Variants in CXCL5 observed in about 807,000 individuals in gnomAD.
The protein encoded by CXCL5 is C-X-C motif chemokine 5.
A neutral mutation model predicts 12.1 loss-of-function variants in CXCL5; 13 were observed. That is an observed-to-expected ratio of 1.08 (90% CI 0.70 to 1.71). The LOEUF is 1.71. Ranked by LOEUF, CXCL5 falls within the 40% of genes most tolerant of loss-of-function variation. The probability of loss-of-function intolerance (pLI) is 0.00; values close to 1 mark genes in which losing one functional copy is unlikely to be tolerated. For synonymous variants in CXCL5, 67 were observed against 59.0 expected (o/e 1.14, Z -0.62); for missense variants, 159 against 142.4 (o/e 1.12, Z -0.59).
rs1050140915 is a variant in CXCL5, at chr4:73,996,493, T to G, written c.*1144A>C. 2.0e-5 allele frequency: 3 copies of G among 152,606 alleles called. No homozygotes were observed. Among genetic ancestry groups the G allele is most frequent in the Admixed American group, 6.5e-5 (1 of 15,278 alleles). The allele number at this position is 152,606 out of a possible 1,614,324, so 9.5% of individuals were successfully genotyped here. A position where few individuals can be genotyped will look rare whatever the true frequency, so the allele number is the denominator to read the frequency against. ...TTATATATAATTATATATTCTACCA[T>G]AAATGCTGGCCTTCTTCAAATTATG... On this transcript the variant is annotated 3_prime_UTR_variant, in exon 4 of 4. Transcript: ENST00000296027.
At position 73,998,226 on chromosome 4, in the gene CXCL5, C is replaced by T. The variant is rs1292159080; in HGVS notation, c.222G>A (p.Gln74=). Residue 74 remains glutamine (Q), a synonymous_variant, in exon 2 of 4, where the codon CAG becomes CAA. Transcript: ENST00000296027. ...CTTACACCACTTCCACCTTGGAGCA[C>T]TGTGGGCCTATGGCGAACACTTGCA... is the stretch of plus-strand genomic sequence containing the variant. The part of the protein sequence containing the change: ...SNLQVFAIGP[Q]CSKVEVVASL... 6.2e-7 allele frequency: 1 copy of T among 1,614,246 alleles called. No individual in the cohort carries two copies. Among genetic ancestry groups the T allele is most frequent in the Non-Finnish European group, 8.5e-7 (1 of 1,180,034 alleles).
At position 73,995,733 on chromosome 4, in the gene CXCL5, T is replaced by C. The variant is rs200998435; in HGVS notation, c.*1904A>G. 3.3e-5 allele frequency: 5 copies of C among 151,468 alleles called. No homozygotes were observed. The highest frequency in any genetic ancestry group is 7.3e-5 in the African/African-American group (3 of 41,280). The allele number at this position is 151,468 out of a possible 1,614,324, so 9.4% of individuals were successfully genotyped here. A position where few individuals can be genotyped will look rare whatever the true frequency, so the allele number is the denominator to read the frequency against. On this transcript the variant is annotated 3_prime_UTR_variant, in exon 4 of 4. Coordinates refer to ENST00000296027, the MANE Select transcript of CXCL5 (RefSeq NM_002994.5). ...ATAGTAAAAAAGTACAATTTTAATA[T>C]AGTGAATGTAATATATATGTAATTA...
In CXCL5 at chr4:73,998,523, G is replaced by C; in HGVS notation, c.59C>G (p.Ala20Gly). 1 of 1,597,292 alleles carries C rather than the reference G, an allele frequency of 6.3e-7. No homozygotes were observed. The highest frequency in any genetic ancestry group is 8.5e-7 in the Non-Finnish European group (1 of 1,171,600). The change falls in exon 1 of 4, where the codon GCG (alanine) becomes GGG (glycine). Residue 20 changes from alanine to glycine, a missense_variant. By Grantham distance (60) the Ala-to-Gly change is moderately conservative. Coordinates refer to ENST00000296027, the MANE Select transcript of CXCL5 (RefSeq NM_002994.5). Reference sequence around the variant, plus strand: ...CAGCAGCAGCAGCAGCACCAACAGCGCGCACAAGGAGCTCGAAGGACCGGG... The same window carrying C: ...CAGCAGCAGCAGCAGCACCAACAGCCCGCACAAGGAGCTCGAAGGACCGGG... Reference protein sequence around the residue: ...RVPGPSSSLCALLVLLLLLTQ... With the variant: ...RVPGPSSSLCGLLVLLLLLTQ...
rs761157781 is a variant in CXCL5, at chr4:73,997,646, C to T, written c.336G>A (p.Lys112=). Reference sequence around the variant, plus strand: ...TGCTCATTTCTCTTAATCAGTTTTCCTTGTTTCCACTGTTGAGAAAAATGT... The same window carrying T: ...TGCTCATTTCTCTTAATCAGTTTTCTTTGTTTCCACTGTTGAGAAAAATGT... ...VIQKILDGGN[K]EN The change falls in exon 4 of 4, where the codon AAG becomes AAA. Residue 112 remains lysine (K), a synonymous_variant. Transcript: ENST00000296027. 63 of 1,608,552 alleles carry T rather than the reference C, an allele frequency of 3.9e-5. No homozygotes were observed. Among genetic ancestry groups the T allele is most frequent in the Non-Finnish European group, 4.9e-5 (58 of 1,176,836 alleles).
Position 73,998,042 on chromosome 4 carries a change from A to G in CXCL5, c.296T>C (p.Leu99Pro). 1 of 1,614,214 alleles carries G rather than the reference A, an allele frequency of 6.2e-7. No homozygotes were observed. The highest frequency in any genetic ancestry group is 8.5e-7 in the Non-Finnish European group (1 of 1,180,036). ...EICLDPEAPF[L>P]KKVIQKILDG... ...CAAAATTTTCTGGATGACTTTCTTTAGAAAAGGGGCTTCTGGATCAAGACA... is the reference window on the plus strand; with the variant it reads ...CAAAATTTTCTGGATGACTTTCTTTGGAAAAGGGGCTTCTGGATCAAGACA... Residue 99 changes from leucine to proline, a missense_variant, in exon 3 of 4, where the codon CTA becomes CCA. Transcript: ENST00000296027.
rs1024705601 is a variant in CXCL5, at chr4:73,998,373, G to C, written c.110-35C>G. 10 of 1,612,334 alleles carry C rather than the reference G, an allele frequency of 6.2e-6. No homozygotes were observed. The African/African-American group carries it at 6.7e-5, about 11-fold the overall frequency. On this transcript the variant is annotated intron_variant, in intron 1 of 3. Transcript: ENST00000296027. ...AAAGAGAGACACCCTTTATAGGGCA[G>C]GTTGCTGGGAGAGTTCCCTGGAACG...
chr4:73,998,638 G>C lies in CXCL5; in HGVS notation c.-57C>G. ...GGTTCCTGAACTGGGTGGAGGAGCG[G>C]AGATTGGAGGAGCGAAGATTGGAGG... is the stretch of plus-strand genomic sequence containing the variant. On this transcript the variant is annotated 5_prime_UTR_variant, in exon 1 of 4. Coordinates refer to ENST00000296027, the MANE Select transcript of CXCL5 (RefSeq NM_002994.5). The C allele has an allele frequency of 7.0e-7, 1 of 1,438,832 alleles. No homozygotes were observed. The highest frequency in any genetic ancestry group is 2.0e-5 in the Admixed American group (1 of 50,468). The allele number at this position is 1,438,832 out of a possible 1,614,324, so 89.1% of individuals were successfully genotyped here.
chr4:73,998,291 G>C lies in CXCL5; in HGVS notation c.157C>G (p.Gln53Glu). 1 of 1,614,208 alleles carries C rather than the reference G, an allele frequency of 6.2e-7. No individual in the cohort carries two copies. Among genetic ancestry groups the C allele is most frequent in the Non-Finnish European group, 8.5e-7 (1 of 1,180,046 alleles). The change falls in exon 2 of 4, where the codon CAG becomes GAG. Residue 53 changes from glutamine to glutamate, a missense_variant. By Grantham distance (29) the Gln-to-Glu change is conservative. Transcript: ENST00000296027. ...TTGGGATGAACTCCTTGCGTGGTCT[G>C]TAAACAAACGCAACGCAGCTCTCTC... ...VLRELRCVCL[Q>E]TTQGVHPKMI...
rs1403314103 is a variant in CXCL5 at position 73,996,780 on chromosome 4, A to G, written c.*857T>C. On this transcript the variant is annotated 3_prime_UTR_variant, in exon 4 of 4. Transcript: ENST00000296027. ...TAAGTTTGCCTTTACTTTAAAAACT[A>G]AAAGAATACATTTCTATATAAACTA... The G allele has an allele frequency of 1.3e-5, 2 of 152,560 alleles. No homozygotes were observed. Among genetic ancestry groups the G allele is most frequent in the Admixed American group, 1.3e-4 (2 of 15,274 alleles). The allele number at this position is 152,560 out of a possible 1,614,324, so 9.5% of individuals were successfully genotyped here.
Position 73,996,033 on chromosome 4 carries a change from A to G in CXCL5, c.*1604T>C, listed in dbSNP as rs200401353. On this transcript the variant is annotated 3_prime_UTR_variant, in exon 4 of 4. Transcript: ENST00000296027. ...AAATAGAAATTCACAACCATTAATTACCTAGGTTTGTCATTTAAAGGTTTA... is the reference window on the plus strand; with the variant it reads ...AAATAGAAATTCACAACCATTAATTGCCTAGGTTTGTCATTTAAAGGTTTA... 1 of 152,450 alleles carries G rather than the reference A, an allele frequency of 6.6e-6. No individual in the cohort carries two copies. Among genetic ancestry groups the G allele is most frequent in the Non-Finnish European group, 1.5e-5 (1 of 68,012 alleles). The allele number at this position is 152,450 out of a possible 1,614,324, so 9.4% of individuals were successfully genotyped here.
At chr4:73,998,402 C>T in intron 1 of CXCL5, 64 bp from the exon 2 acceptor site, 1 of 1,607,652 alleles carries the variant, frequency 6.2e-7, no homozygotes, top group Non-Finnish European at 8.5e-7. Flanking sequence ...TGGAACGCAG[C>T]GACCCCGCAG....
chr4:73,998,627 GTGGAGGAGCGGAGAT>G lies in CXCL5; in HGVS notation c.-61_-47del, dbSNP rs575195054. 41 of 1,507,374 alleles carry G rather than the reference GTGGAGGAGCGGAGAT, an allele frequency of 2.7e-5. No homozygotes were observed. Among genetic ancestry groups the G allele is most frequent in the Non-Finnish European group, 3.3e-5 (36 of 1,106,424 alleles). The allele number at this position is 1,507,374 out of a possible 1,614,324, so 93.4% of individuals were successfully genotyped here. A position where few individuals can be genotyped will look rare whatever the true frequency, so the allele number is the denominator to read the frequency against. ...GAGCGGTCGCGGGTTCCTGAACTGG[GTGGAGGAGCGGAGAT>G]TGGAGGAGCGAAGATTGGAGGATCC... On this transcript the variant is annotated 5_prime_UTR_variant, in exon 1 of 4. Coordinates refer to ENST00000296027, the MANE Select transcript of CXCL5 (RefSeq NM_002994.5).
chr4:73,995,822 G>T lies in CXCL5; in HGVS notation c.*1815C>A, dbSNP rs1281414521. ...ATAGGCATCTAAAAAGCTCAGCAATGCTAAATATATAATATATATTATATA... is the reference window on the plus strand; with the variant it reads ...ATAGGCATCTAAAAAGCTCAGCAATTCTAAATATATAATATATATTATATA... On this transcript the variant is annotated 3_prime_UTR_variant, in exon 4 of 4. Coordinates refer to ENST00000296027, the MANE Select transcript of CXCL5 (RefSeq NM_002994.5). 6.8e-6 allele frequency: 1 copy of T among 147,996 alleles called. No individual in the cohort carries two copies. The highest frequency in any genetic ancestry group is 1.5e-5 in the Non-Finnish European group (1 of 67,208). 9.2% of individuals were successfully genotyped at this position (147,996 alleles called of 1,614,324 possible). A position where few individuals can be genotyped will look rare whatever the true frequency, so the allele number is the denominator to read the frequency against.
At position 73,996,036 on chromosome 4, in the gene CXCL5, T is replaced by C. The variant is rs999259976; in HGVS notation, c.*1601A>G. On this transcript the variant is annotated 3_prime_UTR_variant, in exon 4 of 4. Coordinates refer to ENST00000296027, the MANE Select transcript of CXCL5 (RefSeq NM_002994.5). Reference sequence around the variant, plus strand: ...TAGAAATTCACAACCATTAATTACCTAGGTTTGTCATTTAAAGGTTTAAAG... The same window carrying C: ...TAGAAATTCACAACCATTAATTACCCAGGTTTGTCATTTAAAGGTTTAAAG... 6.6e-6 allele frequency: 1 copy of C among 152,486 alleles called. No individual in the cohort carries two copies. Among genetic ancestry groups the C allele is most frequent in the Admixed American group, 6.5e-5 (1 of 15,272 alleles). The allele number at this position is 152,486 out of a possible 1,614,324, so 9.4% of individuals were successfully genotyped here. A position where few individuals can be genotyped will look rare whatever the true frequency, so the allele number is the denominator to read the frequency against.
Position 73,998,146 on chromosome 4 carries a change from C to T in CXCL5, c.243-51G>A, listed in dbSNP as rs1233674744. The T allele has an allele frequency of 2.5e-6, 4 of 1,613,738 alleles. No homozygotes were observed. In the Admixed American group the frequency reaches 6.7e-5, roughly 27 times the overall value. On this transcript the variant is annotated intron_variant, in intron 2 of 3. Coordinates refer to ENST00000296027, the MANE Select transcript of CXCL5 (RefSeq NM_002994.5). ...CTCATGAGATACCAAGGTTGAAGAC[C>T]CAGGCTGCGGGATTTCTCTCTTGCC...
At chr4:73,997,906 A>G (rs1719231610) in intron 3 of CXCL5, 106 bp downstream of exon 3, 4 of 1,086,662 alleles carry the variant, frequency 3.7e-6, no homozygotes, top group Admixed American at 2.2e-5. Flanking sequence ...TTTTAATTCT[A>G]AACATGAAAA....
chr4:73,997,904 C>A (rs1719231570), intron 3 of CXCL5, 108 bp downstream of exon 3: 1 of 1,085,862 alleles, frequency 9.2e-7, no homozygotes, highest in South Asian at 1.4e-5. Flanking sequence ...CCTTTTAATT[C>A]TAAACATGAA....
In CXCL5 at chr4:73,997,016, T is replaced by G. The variant is rs200959934; in HGVS notation, c.*621A>C. 2 of 152,206 alleles carry G rather than the reference T, an allele frequency of 1.3e-5. No individual in the cohort carries two copies. The highest frequency in any genetic ancestry group is 6.5e-5 in the Admixed American group (1 of 15,282). 9.4% of individuals were successfully genotyped at this position (152,206 alleles called of 1,614,324 possible). ...ATATTAGCCCTCATAGAACTTAAAC[T>G]TTTAGAAATTCTGAATAAGGAAATA... On this transcript the variant is annotated 3_prime_UTR_variant, in exon 4 of 4. Transcript: ENST00000296027.
In CXCL5 at chr4:73,998,306, G is replaced by A. The variant is rs779413033; in HGVS notation, c.142C>T (p.Arg48Cys). 2 of 1,614,212 alleles carry A rather than the reference G, an allele frequency of 1.2e-6. No homozygotes were observed. Among genetic ancestry groups the A allele is most frequent in the Middle Eastern group, 1.6e-4 (1 of 6,062 alleles). ...GPAAAVLREL[R>C]CVCLQTTQGV... ...TGCGTGGTCTGTAAACAAACGCAAC[G>A]CAGCTCTCTCAACACAGCAGCGGCA... Residue 48 changes from arginine to cysteine, a missense_variant, in exon 2 of 4, where the codon CGT becomes TGT. Transcript: ENST00000296027.
Sources: gnomAD v4.1 joint callset for allele counts on GRCh38, gnomAD v4.1.1 for gene constraint, MANE v1.5 for transcripts, NCBI Gene and HGNC (gene_info 2026-07-23, HGNC 2026-07-21) for gene names.